SNX29: variants seen among roughly 807,000 people sequenced by gnomAD.
SNX29 encodes sorting nexin-29.
A neutral mutation model predicts 102.1 loss-of-function variants in SNX29; 78 were observed. The ratio of observed to expected loss-of-function variants is 0.76; its 90% CI spans 0.64 to 0.92. The LOEUF is 0.92. Ranked by LOEUF, SNX29 falls within the 40% of genes least tolerant of loss-of-function variation. SNX29 has a pLI of 0.00. For synonymous variants in SNX29, 580 were observed against 414.5 expected (o/e 1.40, Z -4.85); for missense variants, 1,280 against 1,061.7 (o/e 1.21, Z -2.86).
chr16:12,133,278 T>TG, intron 13 of SNX29, among the ~76,000 whole-genome samples: 1 of 126,750 alleles, frequency 7.9e-6, no homozygotes, highest in Admixed American at 9.0e-5. Flanking sequence ...TTCCTTAGTG[T>TG]GGGTTTTTTT....
intron 14 of SNX29, among the ~76,000 whole-genome samples, chr16:12,259,750 C>T (rs902241833): frequency 2.0e-5 from 3 of 152,208 alleles, no homozygotes; most frequent in East Asian, 1.9e-4. Context: ...CCACGGAATT[C>T]GTTTCTGGGA....
At chr16:12,479,560 A>G (rs1172848159) in intron 19 of SNX29, among the ~76,000 whole-genome samples, 1 of 152,218 alleles carries the variant, frequency 6.6e-6, no homozygotes, top group Non-Finnish European at 1.5e-5. Flanking sequence ...GTAGAGCTGA[A>G]CCACTACACG....
intron 1 of SNX29, among the ~76,000 whole-genome samples, chr16:11,998,061 A>G (rs1892829534): frequency 6.6e-6 from 1 of 152,146 alleles, no homozygotes; most frequent in African/African-American, 2.4e-5. Flanking sequence ...GGTGGTTGTT[A>G]TCAACCAGCT....
At chr16:12,103,989 A>G (rs1205914090) in intron 11 of SNX29, among the ~76,000 whole-genome samples, 1 of 152,238 alleles carries the variant, frequency 6.6e-6, no homozygotes, top group Non-Finnish European at 1.5e-5. Context: ...GCTGCTAAAA[A>G]AGATGAACTA....
intron 15 of SNX29, among the ~76,000 whole-genome samples, chr16:12,343,332 C>G (rs981264546): frequency 3.3e-5 from 5 of 152,208 alleles, no homozygotes; most frequent in Non-Finnish European, 2.9e-5. Context: ...GTGTTAGCTT[C>G]ACGGTACTAA....
chr16:12,123,782 A>T (rs1218177568), intron 11 of SNX29, among the ~76,000 whole-genome samples: 1 of 152,184 alleles, frequency 6.6e-6, no homozygotes, highest in Admixed American at 6.5e-5. Flanking sequence ...ATGGGCTGGC[A>T]AATGTTTTCT....
chr16:12,546,638 A>G (rs1264885436), intron 20 of SNX29: 1 of 152,256 alleles, frequency 6.6e-6, no homozygotes, highest in Non-Finnish European at 1.5e-5. Flanking sequence ...ATTGATAATT[A>G]TAAACAATTA....
chr16:12,442,807 T>C (rs552489670), intron 18 of SNX29, among the ~76,000 whole-genome samples: 3 of 152,246 alleles, frequency 2.0e-5, no homozygotes, highest in African/African-American at 7.2e-5. Context: ...TTGCCCAGGC[T>C]GGTCTCCAAC....
intron 20 of SNX29, among the ~76,000 whole-genome samples, chr16:12,543,370 G>A (rs1050346182): frequency 3.3e-5 from 5 of 152,144 alleles, no homozygotes; most frequent in Non-Finnish European, 7.4e-5. Flanking sequence ...CTAAGCTCAT[G>A]GACTGAACAT....
chr16:12,339,370 C>CAAAAA lies in SNX29; in HGVS notation c.1783-16773_1783-16769dup, dbSNP rs58148692. Among the ~76,000 whole-genome samples the CAAAAA allele has an allele frequency of 2.1e-3, 120 of 56,260 alleles. 7 individuals carry two copies. The highest frequency in any genetic ancestry group is 9.3e-3 in the African/African-American group (115 of 12,422). 36.9% of individuals were successfully genotyped at this position (56,260 alleles called of 152,430 possible). A position where few individuals can be genotyped will look rare whatever the true frequency, so the allele number is the denominator to read the frequency against. On this transcript the variant is annotated intron_variant, in intron 15 of 20. Coordinates refer to ENST00000566228, the MANE Select transcript of SNX29 (RefSeq NM_032167.5). ...TGGGCGACAGAGTGAGATTCTGTCT[C>CAAAAA]AAAAAAAAAAAAAAAAAAAAAAAAG...
chr16:12,561,572 C>A (rs1000160449), intron 20 of SNX29, among the ~76,000 whole-genome samples: 1 of 152,022 alleles, frequency 6.6e-6, no homozygotes, highest in Non-Finnish European at 1.5e-5. Flanking sequence ...TGAGGCTGTC[C>A]GATTAATGTC....
intron 20 of SNX29, among the ~76,000 whole-genome samples, chr16:12,536,428 G>A (rs1006745541): frequency 2.6e-5 from 4 of 152,084 alleles, no homozygotes; most frequent in East Asian, 1.9e-4. Context: ...TAAGGAGGGC[G>A]GCAGTTGTGC....
intron 13 of SNX29, among the ~76,000 whole-genome samples, chr16:12,191,816 T>C (rs1019974682): frequency 3.9e-5 from 6 of 152,234 alleles, no homozygotes; most frequent in African/African-American, 1.2e-4. Flanking sequence ...GCCTCCCTTC[T>C]TGCCTTTTAT....
chr16:12,384,493 C>T (rs2083281790), intron 16 of SNX29, among the ~76,000 whole-genome samples: 1 of 152,202 alleles, frequency 6.6e-6, no homozygotes. Context: ...TTTCATAGAC[C>T]TGTTAGCCAT....
intron 20 of SNX29, among the ~76,000 whole-genome samples, chr16:12,542,755 C>G (rs534243301): frequency 3.7e-4 from 56 of 150,246 alleles, no homozygotes; most frequent in South Asian, 1.9e-3. Flanking sequence ...TAGACTATCA[C>G]TGCCTTTTTT....
chr16:12,048,861 G>A (rs1425990001), intron 7 of SNX29, among the ~76,000 whole-genome samples: 1 of 152,182 alleles, frequency 6.6e-6, no homozygotes, highest in African/African-American at 2.4e-5. Context: ...CGGAAAGTGA[G>A]AGTGTGAGAG....
chr16:12,568,842 C>T lies in SNX29; in HGVS notation c.*213C>T, dbSNP rs1196110650. 4 of 699,264 alleles carry T rather than the reference C, an allele frequency of 5.7e-6. No homozygotes were observed. Among genetic ancestry groups the T allele is most frequent in the African/African-American group, 3.6e-5 (2 of 55,402 alleles). The allele number at this position is 699,264 out of a possible 1,614,324, so 43.3% of individuals were successfully genotyped here. On this transcript the variant is annotated 3_prime_UTR_variant, in exon 21 of 21. Coordinates refer to ENST00000566228, the MANE Select transcript of SNX29 (RefSeq NM_032167.5). ...CCCGAGAGACCAAGGCAGCACCTCG[C>T]TGGAGAGACTGGGACACACAGTCCT... is the stretch of plus-strand genomic sequence containing the variant.
chr16:12,356,959 A>G (rs2082152970), intron 16 of SNX29, among the ~76,000 whole-genome samples: 1 of 152,230 alleles, frequency 6.6e-6, no homozygotes, highest in Non-Finnish European at 1.5e-5. Flanking sequence ...GCTGATCTAG[A>G]TCACCTACTT....
At chr16:12,418,734 C>T (rs778702508) in intron 18 of SNX29, among the ~76,000 whole-genome samples, 5 of 152,108 alleles carry the variant, frequency 3.3e-5, no homozygotes, top group South Asian at 2.1e-4. Context: ...AGGCTGGTCT[C>T]GACCTCCTAA....
Sources: gnomAD v4.1 joint callset for allele counts (sites outside exome capture counted in the v4.1 genomes callset) on GRCh38, gnomAD v4.1.1 for gene constraint, MANE v1.5 for transcripts, NCBI Gene and HGNC (gene_info 2026-07-23, HGNC 2026-07-21) for gene names.